The following CDH23 variants were observed in gnomAD, a reference collection of about 807,000 sequenced individuals.
CDH23 encodes the protein cadherin-23.
In CDH23, 189 loss-of-function variants were observed where a neutral mutation model predicts 317.1. The ratio of observed to expected loss-of-function variants is 0.60; its 90% confidence interval spans 0.53 to 0.67. The LOEUF (loss-of-function observed/expected upper bound fraction) is 0.67, where lower values mean the gene tolerates loss of function less well. Among genes scored for constraint, CDH23 ranks in the 30% least tolerant of loss-of-function variants. The pLI is 0.00. For missense variants in CDH23, 4,401 were observed against 4,592.4 expected (o/e 0.96, Z 1.20); for synonymous variants, 1,839 against 1,876.8 (o/e 0.98, Z 0.52).
intron 38 of CDH23, among the ~76,000 whole-genome samples, chr10:71,744,617 C>CCTGACATTCTGGTTCTCA (rs1839812159): frequency 6.6e-6 from 1 of 152,214 alleles, no homozygotes; most frequent in Admixed American, 6.5e-5. Flanking sequence ...CATGTCAGCC[C>CCTGACATTCTGGTTCTCA]CTGACATTCT....
intron 6 of CDH23, among the ~76,000 whole-genome samples, chr10:71,540,567 C>T (rs975827717): frequency 6.6e-6 from 1 of 152,014 alleles, no homozygotes; most frequent in Admixed American, 6.6e-5. Context: ...CTGCTTATTC[C>T]CCCCATTTCA....
At chr10:71,728,007 C>T (rs1450634294) in intron 30 of CDH23, among the ~76,000 whole-genome samples, 1 of 152,170 alleles carries the variant, frequency 6.6e-6, no homozygotes, top group African/African-American at 2.4e-5. Context: ...CACCCCAGCT[C>T]CCTGCCACCT....
At chr10:71,785,491 C>T (rs778167850) in intron 43 of CDH23, 140 bp from the exon 44 acceptor site, 3 of 641,890 alleles carry the variant, frequency 4.7e-6, no homozygotes, top group Non-Finnish European at 8.4e-6. Flanking sequence ...CCCGGCGAGA[C>T]CCTGCCGACC....
chr10:71,524,792 G>A (rs1854932433), intron 6 of CDH23, among the ~76,000 whole-genome samples: 1 of 152,208 alleles, frequency 6.6e-6, no homozygotes. Flanking sequence ...TGAGGATGGA[G>A]GAAGAGGACA....
In CDH23 at chr10:71,751,007, T is replaced by G; in HGVS notation, c.4845+9086T>G. The G allele has an allele frequency of 2.2e-6, 1 of 464,558 alleles. No homozygotes were observed. Among genetic ancestry groups the G allele is most frequent in the Non-Finnish European group, 3.9e-6 (1 of 259,222 alleles). The allele number at this position is 464,558 out of a possible 1,614,324, so 28.8% of individuals were successfully genotyped here. A position where few individuals can be genotyped will look rare whatever the true frequency, so the allele number is the denominator to read the frequency against. ...CATTTGGCATCTGTAGCTGGTGAAT[T>G]TCAGGTCTCTAGGGGAGAATCTCAG... On this transcript the variant is annotated intron_variant, in intron 38 of 69. Coordinates refer to ENST00000224721, the MANE Select transcript of CDH23 (RefSeq NM_022124.6). The surrounding 1 kb of genome is among the most constrained non-coding windows in gnomAD (Gnocchi z 4.9).
intron 14 of CDH23, among the ~76,000 whole-genome samples, chr10:71,670,226 G>T (rs1315860940): frequency 6.6e-6 from 1 of 152,186 alleles, no homozygotes. Context: ...CCCCTCTGTC[G>T]CTGCTTGCTG....
intron 41 of CDH23, among the ~76,000 whole-genome samples, chr10:71,781,046 C>T (rs1397963664): frequency 1.3e-5 from 2 of 151,934 alleles, no homozygotes; most frequent in Non-Finnish European, 2.9e-5. Context: ...AGGGTCGGTT[C>T]GAGATACCAG....
At chr10:71,485,949 G>A (rs1398001548) in intron 3 of CDH23, among the ~76,000 whole-genome samples, 1 of 151,896 alleles carries the variant, frequency 6.6e-6, no homozygotes, top group Non-Finnish European at 1.5e-5. Flanking sequence ...AATTTTATTT[G>A]CAAATGGATG....
chr10:71,448,774 C>A (rs535165095), intron 3 of CDH23, among the ~76,000 whole-genome samples: 11 of 152,212 alleles, frequency 7.2e-5, no homozygotes, highest in African/African-American at 2.7e-4. Context: ...GGAGACCAGC[C>A]TGGAGCCCTC....
At chr10:71,707,285 T>C in intron 26 of CDH23, 7 of 1,435,850 alleles carry the variant, frequency 4.9e-6, no homozygotes, top group South Asian at 1.5e-5. Flanking sequence ...AACCTGTTGG[T>C]TGCAGGGACG....
At chr10:71,451,512 G>C (rs1850444589) in intron 3 of CDH23, among the ~76,000 whole-genome samples, 1 of 152,186 alleles carries the variant, frequency 6.6e-6, no homozygotes, top group Non-Finnish European at 1.5e-5. Context: ...AAGTGTGAAA[G>C]GCAAGCTCCC....
intron 11 of CDH23, among the ~76,000 whole-genome samples, chr10:71,642,206 G>A (rs754488390): frequency 4.9e-4 from 74 of 151,922 alleles, no homozygotes; most frequent in Non-Finnish European, 9.0e-4. Flanking sequence ...GCCCTGGAGC[G>A]CTCAGATGGT....
intron 14 of CDH23, among the ~76,000 whole-genome samples, chr10:71,648,115 T>A (rs1021702444): frequency 2.0e-5 from 3 of 152,236 alleles, no homozygotes; most frequent in African/African-American, 7.2e-5. Flanking sequence ...CCAGTCAGGC[T>A]GTCAGACGTA....
chr10:71,702,722 A>G (rs1380972780), intron 24 of CDH23, 28 bp downstream of exon 24: 1 of 1,612,966 alleles, frequency 6.2e-7, no homozygotes, highest in Admixed American at 1.7e-5. Context: ...CATTCCTACC[A>G]GCCCAGAGGT....
rs376695740 is a variant in CDH23 at position 71,432,541 on chromosome 10, AGTGT to A, written c.-5-7276_-5-7273del. 2.3e-4 allele frequency among the ~76,000 whole-genome samples: 35 copies of A among 151,036 alleles called. No individual in the cohort carries two copies. In the South Asian group the frequency reaches 3.6e-3, roughly 15 times the overall value. Reference sequence around the variant, plus strand: ...GAGTGTGTGGGTGAGTGTGTGAGAGAGTGTGTGTGTGTGCTTTCAGGCACAAGTT... The same window carrying A: ...GAGTGTGTGGGTGAGTGTGTGAGAGAGTGTGTGTGCTTTCAGGCACAAGTT... On this transcript the variant is annotated intron_variant, in intron 1 of 69. Coordinates refer to ENST00000224721, the MANE Select transcript of CDH23 (RefSeq NM_022124.6).
chr10:71,673,656 G>A (rs1317820352), intron 14 of CDH23, among the ~76,000 whole-genome samples: 1 of 152,224 alleles, frequency 6.6e-6, no homozygotes, highest in African/African-American at 2.4e-5. Flanking sequence ...TTCAAACCCA[G>A]CACAGTTCTT....
At chr10:71,534,222 G>A (rs1855573760) in intron 6 of CDH23, among the ~76,000 whole-genome samples, 1 of 152,054 alleles carries the variant, frequency 6.6e-6, no homozygotes. Context: ...TTGGAGCCAA[G>A]TGTCCATCAT....
At chr10:71,617,596 T>C in intron 11 of CDH23, 2 of 1,325,146 alleles carry the variant, frequency 1.5e-6, no homozygotes, top group Non-Finnish European at 2.0e-6. Context: ...GCAAAAAACA[T>C]GTAAGCACAT....
chr10:71,664,639 G>C (rs977045995), intron 14 of CDH23, among the ~76,000 whole-genome samples: 1 of 152,254 alleles, frequency 6.6e-6, no homozygotes, highest in South Asian at 2.1e-4. Flanking sequence ...AGAAAGCGGC[G>C]CCTGTGTGCT....
Sources: allele counts gnomAD v4.1 joint callset (sites outside exome capture counted in the v4.1 genomes callset), GRCh38; gene constraint gnomAD v4.1.1; non-coding constraint Gnocchi (gnomAD v3.1); transcripts MANE v1.5; gene names NCBI Gene and HGNC (gene_info 2026-07-23, HGNC 2026-07-21).